The following NRG1 variants were observed in gnomAD, a reference collection of about 807,000 sequenced individuals.
NRG1 encodes the protein neuregulin 1, also known as pro-neuregulin-1, membrane-bound isoform.
In NRG1, 18 loss-of-function variants were observed where a neutral mutation model predicts 63.8. That is an observed-to-expected ratio of 0.28 (90% confidence interval 0.19 to 0.42). The LOEUF (loss-of-function observed/expected upper bound fraction) is 0.42. NRG1 is among the 10% of genes least tolerant of loss of function. The probability of loss-of-function intolerance (pLI) is 1.00; values close to 1 mark genes in which losing one functional copy is unlikely to be tolerated. For synonymous variants in NRG1, 302 were observed against 301.3 expected (o/e 1.00, Z -0.02); for missense variants, 762 against 814.7 (o/e 0.94, Z 0.79).
chr8:32,139,272 T>C (rs937035651), intron 1 of NRG1: 1 of 152,182 alleles, frequency 6.6e-6, no homozygotes, highest in Non-Finnish European at 1.5e-5. Context: ...GGAAAGTCCT[T>C]TGACCGCCAT....
chr8:32,760,351 C>T (rs569445625), exon 11 of NRG1: 2 of 1,614,022 alleles, frequency 1.2e-6, no homozygotes, highest in South Asian at 1.1e-5. Flanking sequence ...TAACAGCTTC[C>T]TCAGGCATGC....
chr8:31,839,743 A>G (rs1013063961), intron 1 of NRG1, among the ~76,000 whole-genome samples: 1 of 152,218 alleles, frequency 6.6e-6, no homozygotes, highest in Admixed American at 6.5e-5. Context: ...CAGAGTGTCT[A>G]AAACATAGAA....
intron 1 of NRG1, among the ~76,000 whole-genome samples, chr8:32,320,474 A>G (rs1416026922): frequency 6.6e-6 from 1 of 152,176 alleles, no homozygotes; most frequent in Non-Finnish European, 1.5e-5. Flanking sequence ...GCATGGCTGG[A>G]AAGGCCTCAG....
chr8:32,353,299 AAAT>A (rs1325637172), intron 1 of NRG1, among the ~76,000 whole-genome samples: 1 of 150,772 alleles, frequency 6.6e-6, no homozygotes, highest in Non-Finnish European at 1.5e-5. Flanking sequence ...AAATAATAAT[AAAT>A]AAGAAAAATC....
chr8:32,101,109 T>G (rs1830518390), intron 1 of NRG1, among the ~76,000 whole-genome samples: 1 of 152,238 alleles, frequency 6.6e-6, no homozygotes, highest in Non-Finnish European at 1.5e-5. Flanking sequence ...TGTAACTACA[T>G]GTAACCAACC....
intron 1 of NRG1, among the ~76,000 whole-genome samples, chr8:32,102,239 G>A (rs907015051): frequency 3.3e-5 from 5 of 152,170 alleles, no homozygotes; most frequent in Admixed American, 2.0e-4. Flanking sequence ...TCAGGCTCAG[G>A]TGATCCTCCT....
At chr8:32,280,675 ATTAGGTTTTTTT>A in intron 1 of NRG1, among the ~76,000 whole-genome samples, 1 of 104,008 alleles carries the variant, frequency 9.6e-6, no homozygotes, top group Admixed American at 1.2e-4. Context: ...ATGCAACTGA[ATTAGGTTTTTTT>A]TTTGTTTTTT....
intron 1 of NRG1, among the ~76,000 whole-genome samples, chr8:32,530,425 T>C (rs186608511): frequency 4.6e-5 from 7 of 152,302 alleles, no homozygotes; most frequent in Admixed American, 1.3e-4. Context: ...TATAATCTTA[T>C]GGGACCACTG....
At chr8:31,780,922 C>G (rs1488183560) in intron 1 of NRG1, among the ~76,000 whole-genome samples, 1 of 152,168 alleles carries the variant, frequency 6.6e-6, no homozygotes, top group Non-Finnish European at 1.5e-5. Flanking sequence ...TTGATCCTAT[C>G]TGGCTTCAAT....
At chr8:32,609,034 A>G (rs1278118331) in intron 3 of NRG1, among the ~76,000 whole-genome samples, 1 of 152,096 alleles carries the variant, frequency 6.6e-6, no homozygotes, top group Non-Finnish European at 1.5e-5. Flanking sequence ...TGCTGCCTCA[A>G]CTAGGGAGGG....
intron 1 of NRG1, among the ~76,000 whole-genome samples, chr8:32,279,397 G>A (rs112864626): frequency 0.038 from 5,727 of 152,284 alleles, 200 homozygotes; most frequent in African/African-American, 0.093. Context: ...TCTGTCGCCA[G>A]GCTGGAGTGC....
intron 1 of NRG1, among the ~76,000 whole-genome samples, chr8:32,102,035 A>C: frequency 6.6e-6 from 1 of 152,162 alleles, no homozygotes; most frequent in East Asian, 1.9e-4. Context: ...CGGAGGGTAA[A>C]TCTGGCTGCT....
In NRG1 at chr8:31,943,434, T is replaced by TA. The variant is rs546438516; in HGVS notation, c.37+304004dup. Among the ~76,000 whole-genome samples, 13 of 152,142 alleles carry TA rather than the reference T, an allele frequency of 8.5e-5. No homozygotes were observed. In the South Asian group the frequency reaches 1.5e-3, roughly 17 times the overall value. ...AAGAGAATATTCACTGGGTACAGTG[T>TA]ACACTGCTCTGGTGATGGCTGCACC... is the stretch of plus-strand genomic sequence containing the variant. On this transcript the variant is annotated intron_variant, in intron 1 of 10. Transcript: ENST00000519301.
rs10095715 is a variant in NRG1 at position 32,328,243 on chromosome 8, G to A, written c.38-267585G>A. On this transcript the variant is annotated intron_variant, in intron 1 of 10. Coordinates refer to the NRG1 transcript ENST00000519301. Reference sequence around the variant, plus strand: ...GCTTTGGATACCTGCTGTGGTTAATGTGTCACTCACTGCGAAGCTTTCCAA... The same window carrying A: ...GCTTTGGATACCTGCTGTGGTTAATATGTCACTCACTGCGAAGCTTTCCAA... Among the ~76,000 whole-genome samples the A allele has an allele frequency of 8.7e-3, 1,317 of 152,248 alleles. 26 individuals are homozygous for A. The highest frequency in any genetic ancestry group is 0.03 in the African/African-American group (1,242 of 41,540).
intron 5 of NRG1, chr8:32,647,015 G>A (rs1853700049): frequency 1.0e-6 from 1 of 984,382 alleles, no homozygotes; most frequent in East Asian, 1.1e-4. Context: ...GAGCACTCAA[G>A]AAGGACAAAG....
At chr8:31,993,894 C>A (rs1217026616) in intron 1 of NRG1, among the ~76,000 whole-genome samples, 2 of 152,032 alleles carry the variant, frequency 1.3e-5, no homozygotes, top group African/African-American at 4.8e-5. Context: ...ACCAACCCTA[C>A]TGAGTAATTG....
intron 1 of NRG1, among the ~76,000 whole-genome samples, chr8:31,884,968 C>G (rs1226465015): frequency 6.6e-6 from 1 of 152,032 alleles, no homozygotes; most frequent in South Asian, 2.1e-4. Context: ...AAATGCACAT[C>G]AGTTTATCAG....
intron 5 of NRG1, among the ~76,000 whole-genome samples, chr8:32,684,521 G>A (rs1809549433): frequency 6.6e-6 from 1 of 152,108 alleles, no homozygotes; most frequent in African/African-American, 2.4e-5. Flanking sequence ...TGGAATTGAG[G>A]TGTCATCATC....
At chr8:31,838,607 T>C (rs1307151407) in intron 1 of NRG1, among the ~76,000 whole-genome samples, 1 of 152,178 alleles carries the variant, frequency 6.6e-6, no homozygotes. Flanking sequence ...TTCTTTTATG[T>C]TTTCTGTCAG....
Sources: gnomAD v4.1 joint callset for allele counts (sites outside exome capture counted in the v4.1 genomes callset) on GRCh38, gnomAD v4.1.1 for gene constraint, MANE v1.5 for transcripts, NCBI Gene and HGNC (gene_info 2026-07-23, HGNC 2026-07-21) for gene names.